Variants in EFEMP1 observed in about 807,000 individuals in gnomAD.
EFEMP1 encodes EGF-containing fibulin-like extracellular matrix protein 1.
Under a neutral mutation model 65.7 loss-of-function variants are expected in EFEMP1, and 18 were observed. The ratio of observed to expected loss-of-function variants is 0.27; its 90% CI spans 0.19 to 0.41. EFEMP1 has a LOEUF of 0.41. EFEMP1 is among the 10% of genes least tolerant of loss of function. The pLI, the probability that EFEMP1 is intolerant of heterozygous loss-of-function variation, is 1.00. For missense variants in EFEMP1, 469 were observed against 624.8 expected, an observed-to-expected ratio of 0.75 and a Z score of 2.66; for synonymous variants, 237 against 219.7, an observed-to-expected ratio of 1.08 and a Z score of -0.70.
chr2:55,904,885 T>C (rs1156640824), intron 5 of EFEMP1, among the ~76,000 whole-genome samples: 2 of 152,046 alleles, frequency 1.3e-5, no homozygotes, highest in Non-Finnish European at 2.9e-5. Flanking sequence ...TGGGTCTGTT[T>C]TCCTGGAGAA....
At position 55,883,265 on chromosome 2, in the gene EFEMP1, T is replaced by C. The variant is rs1669311794; in HGVS notation, c.518-1531A>G. ...TGTTATTTTGTTTTGTTTTGAAATTTATTATAATTACTACTAGTATTATTT... is the reference window on the plus strand; with the variant it reads ...TGTTATTTTGTTTTGTTTTGAAATTCATTATAATTACTACTAGTATTATTT... On this transcript the variant is annotated intron_variant, in intron 5 of 11. Coordinates refer to ENST00000355426, the MANE Select transcript of EFEMP1 (RefSeq NM_001039348.3). The surrounding 1 kb of genome is among the most constrained non-coding windows in gnomAD (Gnocchi z 4.5). 6.6e-6 allele frequency among the ~76,000 whole-genome samples: 1 copy of C among 152,228 alleles called. No individual in the cohort carries two copies. Among genetic ancestry groups the C allele is most frequent in the African/African-American group, 2.4e-5 (1 of 41,460 alleles).
chr2:55,908,534 G>C (rs1381028562), intron 5 of EFEMP1, among the ~76,000 whole-genome samples: 1 of 152,060 alleles, frequency 6.6e-6, no homozygotes, highest in African/African-American at 2.4e-5. Context: ...AGTGACTATA[G>C]TTAATAATAA....
intron 3 of EFEMP1, among the ~76,000 whole-genome samples, chr2:55,920,129 G>A (rs1450645490): frequency 6.6e-6 from 1 of 152,126 alleles, no homozygotes; most frequent in African/African-American, 2.4e-5. Flanking sequence ...ATTGGTCTCA[G>A]GTGCTTTCAG....
In EFEMP1 at chr2:55,922,554, G is replaced by A; in HGVS notation, c.-7-107C>T. 1 of 1,006,116 alleles carries A rather than the reference G, an allele frequency of 9.9e-7. No individual in the cohort carries two copies. The highest frequency in any genetic ancestry group is 1.5e-6 in the Non-Finnish European group (1 of 647,152). 62.3% of individuals were successfully genotyped at this position (1,006,116 alleles called of 1,614,324 possible). A position where few individuals can be genotyped will look rare whatever the true frequency, so the allele number is the denominator to read the frequency against. ...GGAAAGGAGGGTGGGAGAGGCTGAG[G>A]CTCCACCATACTCAACTTCCAATCT... On this transcript the variant is annotated intron_variant, in intron 2 of 11. Transcript: ENST00000355426. The surrounding 1 kb of genome is among the most constrained non-coding windows in gnomAD (Gnocchi z 5.5).
intron 5 of EFEMP1, among the ~76,000 whole-genome samples, chr2:55,904,896 C>A (rs377633008): frequency 4.6e-5 from 7 of 150,732 alleles, no homozygotes; most frequent in African/African-American, 1.7e-4. Flanking sequence ...TCCTGGAGAA[C>A]CTTGACTAAA....
chr2:55,882,970 C>T (rs1477718008), intron 5 of EFEMP1, among the ~76,000 whole-genome samples: 1 of 152,140 alleles, frequency 6.6e-6, no homozygotes, highest in Non-Finnish European at 1.5e-5. Context: ...GTTGGTTTGC[C>T]TTTCACTTTT....
At chr2:55,879,607 C>T (rs555158883) in intron 6 of EFEMP1, among the ~76,000 whole-genome samples, 1 of 152,232 alleles carries the variant, frequency 6.6e-6, no homozygotes, top group African/African-American at 2.4e-5. Context: ...TACATGTGTT[C>T]TGCCTTGTCT....
In EFEMP1 at chr2:55,886,424, G is replaced by A. The variant is rs1239428986; in HGVS notation, c.518-4690C>T. ...TGGTGCTATCCTGTGAACTCTTGTGGTTAAAGAAAAGATAGTGGTTAAATT... is the reference window on the plus strand; with the variant it reads ...TGGTGCTATCCTGTGAACTCTTGTGATTAAAGAAAAGATAGTGGTTAAATT... On this transcript the variant is annotated intron_variant, in intron 5 of 11. Coordinates refer to ENST00000355426, the MANE Select transcript of EFEMP1 (RefSeq NM_001039348.3). This position sits in a 1 kb window ranked among gnomAD's most constrained non-coding sequence, Gnocchi z 4.0. Among the ~76,000 whole-genome samples, 1 of 152,128 alleles carries A rather than the reference G, an allele frequency of 6.6e-6. No individual in the cohort carries two copies. Among genetic ancestry groups the A allele is most frequent in the African/African-American group, 2.4e-5 (1 of 41,424 alleles).
chr2:55,914,364 A>G (rs2104447311), intron 5 of EFEMP1, among the ~76,000 whole-genome samples: 1 of 152,334 alleles, frequency 6.6e-6, no homozygotes, highest in African/African-American at 2.4e-5. Flanking sequence ...GTTGTATTTC[A>G]AACTCCTTGT....
At chr2:55,914,488 G>A (rs1670602689) in intron 5 of EFEMP1, among the ~76,000 whole-genome samples, 2 of 152,096 alleles carry the variant, frequency 1.3e-5, no homozygotes, top group African/African-American at 4.8e-5. Flanking sequence ...ATAAAATAGT[G>A]TACATTTAAA....
rs1219098066 is a variant in EFEMP1 at position 55,917,401 on chromosome 2, G to T, written c.517+264C>A. Among the ~76,000 whole-genome samples the T allele has an allele frequency of 6.6e-6, 1 of 152,110 alleles. No individual in the cohort carries two copies. The highest frequency in any genetic ancestry group is 1.5e-5 in the Non-Finnish European group (1 of 68,022). On this transcript the variant is annotated intron_variant, in intron 5 of 11. Transcript: ENST00000355426. This position sits in a 1 kb window ranked among gnomAD's most constrained non-coding sequence, Gnocchi z 6.3. ...AGCTTCGCCATCGAGAAGTTTTAAA[G>T]GTTCCCAAGTGACTCTAAATATGGG...
Position 55,877,665 on chromosome 2 carries a change from A to T in EFEMP1, c.760+81T>A. 2 of 1,597,822 alleles carry T rather than the reference A, an allele frequency of 1.3e-6. No homozygotes were observed. Among genetic ancestry groups the T allele is most frequent in the Admixed American group, 1.7e-5 (1 of 59,732 alleles). On this transcript the variant is annotated intron_variant, in intron 7 of 11. Coordinates refer to ENST00000355426, the MANE Select transcript of EFEMP1 (RefSeq NM_001039348.3). The surrounding 1 kb of genome is among the most constrained non-coding windows in gnomAD (Gnocchi z 4.5). The stretch of plus-strand genomic sequence containing the variant: ...CGATGGAAACTATTTACTCAAGAAC[A>T]TAGAAAACTGGAAATACTGCAACAT...
At chr2:55,920,602 T>C (rs1670879353) in intron 3 of EFEMP1, among the ~76,000 whole-genome samples, 1 of 152,248 alleles carries the variant, frequency 6.6e-6, no homozygotes, top group Non-Finnish European at 1.5e-5. Context: ...ATAATTTGTA[T>C]GGTAAATAGA....
intron 5 of EFEMP1, among the ~76,000 whole-genome samples, chr2:55,915,282 A>T (rs55837620): frequency 6.6e-6 from 1 of 152,220 alleles, no homozygotes; most frequent in Non-Finnish European, 1.5e-5. Flanking sequence ...ACCTGTGTGC[A>T]CACAGTCAAC....
At chr2:55,896,597 A>G (rs1669838755) in intron 5 of EFEMP1, among the ~76,000 whole-genome samples, 1 of 152,242 alleles carries the variant, frequency 6.6e-6, no homozygotes, top group Admixed American at 6.5e-5. Flanking sequence ...AATGAAATCT[A>G]TATTTAATTT....
intron 6 of EFEMP1, among the ~76,000 whole-genome samples, chr2:55,880,199 T>C (rs568648287): frequency 6.6e-6 from 1 of 152,204 alleles, no homozygotes; most frequent in South Asian, 2.1e-4. Flanking sequence ...CCTTTCATGC[T>C]CTGTCGAGGA....
chr2:55,875,370 A>ATT (rs1668992735), intron 8 of EFEMP1, among the ~76,000 whole-genome samples: 1 of 145,390 alleles, frequency 6.9e-6, no homozygotes, highest in South Asian at 2.2e-4. Flanking sequence ...ACACACATAT[A>ATT]TATTTTTTTT....
At position 55,922,760 on chromosome 2, in the gene EFEMP1, G is replaced by T; in HGVS notation, c.-8+139C>A. The T allele has an allele frequency of 1.7e-6, 1 of 595,204 alleles. No individual in the cohort carries two copies. Among genetic ancestry groups the T allele is most frequent in the East Asian group, 6.7e-5 (1 of 15,024 alleles). The allele number at this position is 595,204 out of a possible 1,614,324, so 36.9% of individuals were successfully genotyped here. ...CCTACAAAGCAGGCTGCAGAAAGAG[G>T]GGGTCGAAAGGAAAAAACAGTAATC... On this transcript the variant is annotated intron_variant, in intron 2 of 11. Coordinates refer to ENST00000355426, the MANE Select transcript of EFEMP1 (RefSeq NM_001039348.3). This position sits in a 1 kb window ranked among gnomAD's most constrained non-coding sequence, Gnocchi z 5.5.
intron 5 of EFEMP1, among the ~76,000 whole-genome samples, chr2:55,909,305 CAG>C (rs1272998207): frequency 6.6e-6 from 1 of 152,172 alleles, no homozygotes; most frequent in East Asian, 1.9e-4. Context: ...TATGTTTAGA[CAG>C]AGCTAAATGA....
Sources: allele counts gnomAD v4.1 joint callset (sites outside exome capture counted in the v4.1 genomes callset), GRCh38; gene constraint gnomAD v4.1.1; non-coding constraint Gnocchi (gnomAD v3.1); transcripts MANE v1.5; gene names NCBI Gene and HGNC (gene_info 2026-07-23, HGNC 2026-07-21).